Variants in DIAPH3 observed in about 807,000 individuals in gnomAD.
DIAPH3 encodes the protein diaphanous related formin 3, also known as protein diaphanous homolog 3.
DIAPH3 carries 117 observed loss-of-function variants against 144.3 expected under a neutral mutation model. The ratio of observed to expected loss-of-function variants is 0.81; its 90% CI spans 0.70 to 0.95. DIAPH3 has a LOEUF of 0.95. Ranked by LOEUF, DIAPH3 falls within the 40% of genes least tolerant of loss-of-function variation. The pLI is 0.00. For synonymous variants in DIAPH3, 519 were observed against 488.9 expected (o/e 1.06, Z -0.81); for missense variants, 1,421 against 1,412.7 (o/e 1.01, Z -0.09).
At chr13:59,996,846 C>T (rs557307606) in intron 9 of DIAPH3, among the ~76,000 whole-genome samples, 2 of 152,172 alleles carry the variant, frequency 1.3e-5, no homozygotes, top group Non-Finnish European at 2.9e-5. Flanking sequence ...ACTACATCTA[C>T]ATCACTGAAT....
chr13:59,861,812 A>T (rs1043554991), intron 21 of DIAPH3, among the ~76,000 whole-genome samples: 1 of 152,190 alleles, frequency 6.6e-6, no homozygotes, highest in Admixed American at 6.5e-5. Flanking sequence ...AAAACAGAGT[A>T]ACCTATGAGT....
At chr13:59,991,066 C>A in intron 12 of DIAPH3, 92 bp downstream of exon 12, 1 of 770,706 alleles carries the variant, frequency 1.3e-6, no homozygotes, top group Non-Finnish European at 2.1e-6. Context: ...AAATAAAAAT[C>A]ATTTGCTTGT....
intron 17 of DIAPH3, among the ~76,000 whole-genome samples, chr13:59,959,338 G>C (rs564963797): frequency 6.6e-6 from 1 of 152,288 alleles, no homozygotes; most frequent in African/African-American, 2.4e-5. Flanking sequence ...TTATGGCATA[G>C]AGTTGTTCCA....
chr13:59,675,489 A>C lies in DIAPH3; in HGVS notation c.3320-8643T>G, dbSNP rs185962054. 4.6e-3 allele frequency among the ~76,000 whole-genome samples: 686 copies of C among 149,378 alleles called. 7 individuals are homozygous for C. Among genetic ancestry groups the C allele is most frequent in the African/African-American group, 0.015 (602 of 40,436 alleles). On this transcript the variant is annotated intron_variant, in intron 27 of 27. Coordinates refer to ENST00000400324, the MANE Select transcript of DIAPH3 (RefSeq NM_001042517.2). ...AAGCTTCGCCTCCCGGGTTCATGCC[A>C]TTCTCCTGCCTCAGCCTCCTGAGTA...
chr13:60,085,352 T>A (rs557733636), intron 4 of DIAPH3, among the ~76,000 whole-genome samples: 41 of 152,206 alleles, frequency 2.7e-4, no homozygotes, highest in Non-Finnish European at 5.3e-4. Flanking sequence ...GGTCCATGCT[T>A]AGCCTTTAAA....
chr13:60,045,734 C>T (rs773094182), intron 4 of DIAPH3, among the ~76,000 whole-genome samples: 10 of 152,026 alleles, frequency 6.6e-5, no homozygotes, highest in Non-Finnish European at 1.2e-4. Flanking sequence ...AATTTATTAC[C>T]GAAAAACTTG....
chr13:59,821,811 CA>C (rs1339737847), intron 24 of DIAPH3, among the ~76,000 whole-genome samples: 2 of 152,274 alleles, frequency 1.3e-5, no homozygotes, highest in East Asian at 3.9e-4. Flanking sequence ...TGCTCTGGCA[CA>C]AACAATTCAT....
intron 24 of DIAPH3, among the ~76,000 whole-genome samples, chr13:59,819,561 CAT>C (rs1050171171): frequency 6.6e-6 from 1 of 151,732 alleles, no homozygotes; most frequent in Admixed American, 6.6e-5. Flanking sequence ...TAGCAGTTCT[CAT>C]ACAGTATGTA....
intron 20 of DIAPH3, among the ~76,000 whole-genome samples, chr13:59,890,233 T>C (rs1307510254): frequency 1.3e-5 from 2 of 152,130 alleles, no homozygotes; most frequent in Non-Finnish European, 2.9e-5. Flanking sequence ...TGCTCTGCCC[T>C]GTAGATACCA....
intron 17 of DIAPH3, among the ~76,000 whole-genome samples, chr13:59,952,527 T>C (rs2049155011): frequency 6.6e-6 from 1 of 152,158 alleles, no homozygotes; most frequent in Non-Finnish European, 1.5e-5. Context: ...AGAATTTACC[T>C]ATAATTTTTA....
intron 17 of DIAPH3, among the ~76,000 whole-genome samples, chr13:59,929,405 AT>A (rs1594026234): frequency 6.6e-6 from 1 of 151,864 alleles, no homozygotes; most frequent in East Asian, 1.9e-4. Flanking sequence ...TAGATAAGTT[AT>A]TTCTATTTTT....
intron 27 of DIAPH3, among the ~76,000 whole-genome samples, chr13:59,697,107 C>G (rs2033841173): frequency 6.6e-6 from 1 of 151,838 alleles, no homozygotes; most frequent in Non-Finnish European, 1.5e-5. Context: ...ATAATACCTC[C>G]TCAAACTACT....
intron 25 of DIAPH3, among the ~76,000 whole-genome samples, chr13:59,804,069 A>G (rs1473196855): frequency 6.6e-6 from 1 of 152,214 alleles, no homozygotes; most frequent in Non-Finnish European, 1.5e-5. Context: ...TCAAACAATG[A>G]AAGTACTGAA....
chr13:60,063,584 C>T (rs564570728), intron 4 of DIAPH3, among the ~76,000 whole-genome samples: 1 of 152,152 alleles, frequency 6.6e-6, no homozygotes, highest in South Asian at 2.1e-4. Flanking sequence ...TGAAATGACT[C>T]CTTGATCCAT....
chr13:60,099,329 ATAATC>A (rs1566770286), intron 3 of DIAPH3, among the ~76,000 whole-genome samples: 1 of 152,224 alleles, frequency 6.6e-6, no homozygotes. Flanking sequence ...GTTGGACAAA[ATAATC>A]TAACACAAAT....
At chr13:60,119,417 C>G (rs1419650580) in intron 2 of DIAPH3, among the ~76,000 whole-genome samples, 1 of 152,158 alleles carries the variant, frequency 6.6e-6, no homozygotes, top group Non-Finnish European at 1.5e-5. Context: ...CCCAGCTAAG[C>G]AACTACCAAA....
At chr13:60,061,355 G>T (rs1262309039) in intron 4 of DIAPH3, among the ~76,000 whole-genome samples, 1 of 152,006 alleles carries the variant, frequency 6.6e-6, no homozygotes, top group Non-Finnish European at 1.5e-5. Context: ...TGGACAATAG[G>T]ATGGAACTGC....
chr13:60,050,511 G>C (rs1327538706), intron 4 of DIAPH3, among the ~76,000 whole-genome samples: 1 of 152,142 alleles, frequency 6.6e-6, no homozygotes, highest in Non-Finnish European at 1.5e-5. Context: ...ATTTTCAAAT[G>C]CTTGTTAAAA....
rs2043580736 is a variant in DIAPH3 at position 59,861,455 on chromosome 13, T to C, written c.2689A>G (p.Ile897Val). Residue 897 changes from isoleucine (I) to valine (V), a missense_variant, in exon 22 of 28, where the codon ATA becomes GTA. Ile to Val is a conservative substitution (Grantham distance 29, BLOSUM62 3). Coordinates refer to ENST00000400324, the MANE Select transcript of DIAPH3 (RefSeq NM_001042517.2). ...TCCAAATCATCCACAAAATTCAGTA[T>C]ATCAGGGTACTTCTCTTCACATATT... is the stretch of plus-strand genomic sequence containing the variant. Reference protein sequence around the residue: ...VEICEEKYPDILNFVDDLEPL... With the variant: ...VEICEEKYPDVLNFVDDLEPL... 3 of 1,613,818 alleles carry C rather than the reference T, an allele frequency of 1.9e-6. No homozygotes were observed. The highest frequency in any genetic ancestry group is 1.3e-5 in the African/African-American group (1 of 75,044).
Sources: gnomAD v4.1 joint callset for allele counts (sites outside exome capture counted in the v4.1 genomes callset) on GRCh38, gnomAD v4.1.1 for gene constraint, MANE v1.5 for transcripts, NCBI Gene and HGNC (gene_info 2026-07-23, HGNC 2026-07-21) for gene names.